PDE4D: variants seen among roughly 807,000 people sequenced by gnomAD.
PDE4D encodes the protein 3',5'-cyclic-AMP phosphodiesterase 4D.
PDE4D carries 24 observed loss-of-function variants against 87.4 expected under a neutral mutation model. The observed-to-expected ratio is 0.27, with a 90% CI of 0.20 to 0.39. PDE4D has a LOEUF of 0.39. Ranked by LOEUF, PDE4D falls within the 10% of genes least tolerant of loss-of-function variation. PDE4D has a pLI of 1.00. For missense variants in PDE4D, 714 were observed against 1,041.0 expected (o/e 0.69, Z 4.32); for synonymous variants, 384 against 383.2 (o/e 1.00, Z -0.02).
intron 1 of PDE4D, among the ~76,000 whole-genome samples, chr5:59,631,525 C>T (rs972897301): frequency 6.6e-6 from 1 of 152,116 alleles, no homozygotes; most frequent in African/African-American, 2.4e-5. Context: ...CAGGTGATTT[C>T]AGCATTTCCA....
At position 60,185,183 on chromosome 5, in the gene PDE4D, T is replaced by C. The variant is rs549677721; in HGVS notation, c.42+374A>G. Among the ~76,000 whole-genome samples, 11 of 152,260 alleles carry C rather than the reference T, an allele frequency of 7.2e-5. No homozygotes were observed. In the East Asian group the frequency reaches 2.1e-3, roughly 29 times the overall value. On this transcript the variant is annotated intron_variant, in intron 2 of 16. Transcript: ENST00000502484. Reference sequence around the variant, plus strand: ...TGACTGGTTGAAGTAACTAATAACATAAGTATAATTTATGCTTTTAGACTT... The same window carrying C: ...TGACTGGTTGAAGTAACTAATAACACAAGTATAATTTATGCTTTTAGACTT...
chr5:60,053,028 G>C (rs187042991), intron 2 of PDE4D, among the ~76,000 whole-genome samples: 3 of 152,032 alleles, frequency 2.0e-5, no homozygotes, highest in Non-Finnish European at 4.4e-5. Context: ...CACTGCTCAA[G>C]GAAATAAGAG....
chr5:60,215,401 C>T (rs1345664465), intron 1 of PDE4D, among the ~76,000 whole-genome samples: 1 of 152,068 alleles, frequency 6.6e-6, no homozygotes, highest in South Asian at 2.1e-4. Context: ...TTTTTCCCTT[C>T]TGCAAGATGC....
At chr5:59,364,391 A>G (rs1391883507) in intron 1 of PDE4D, among the ~76,000 whole-genome samples, 1 of 152,192 alleles carries the variant, frequency 6.6e-6, no homozygotes, top group East Asian at 1.9e-4. Context: ...AGAGATTTTT[A>G]ATTAAACTTA....
intron 5 of PDE4D, among the ~76,000 whole-genome samples, chr5:59,079,568 G>A (rs1766305307): frequency 6.6e-6 from 1 of 151,902 alleles, no homozygotes; most frequent in African/African-American, 2.4e-5. Flanking sequence ...GCTCATGCCT[G>A]TAATCCCTAC....
Position 59,966,356 on chromosome 5 carries a change from G to C in PDE4D, c.272+22132C>G, listed in dbSNP as rs571668247. Among the ~76,000 whole-genome samples the C allele has an allele frequency of 3.3e-5, 5 of 152,270 alleles. No homozygotes were observed. The South Asian group carries it at 1.0e-3, about 32-fold the overall frequency. ...ACTCCAGGAGGGAGGGGAAAATGTA[G>C]ATTCTTATAATCCTTTCAGAGGCAT... On this transcript the variant is annotated intron_variant, in intron 3 of 16. Coordinates refer to the PDE4D transcript ENST00000502484.
At chr5:60,493,223 A>T (rs2150237065) in intron 1 of PDE4D, among the ~76,000 whole-genome samples, 1 of 152,350 alleles carries the variant, frequency 6.6e-6, no homozygotes, top group South Asian at 2.1e-4. Flanking sequence ...AGTTTAGACT[A>T]GTTTAAACAT....
chr5:60,103,491 A>G (rs1776474684), intron 2 of PDE4D, among the ~76,000 whole-genome samples: 1 of 152,222 alleles, frequency 6.6e-6, no homozygotes, highest in Admixed American at 6.5e-5. Flanking sequence ...GATTTATTAA[A>G]CAGGAATGAA....
At chr5:59,218,508 C>T (rs1482601540) in intron 1 of PDE4D, among the ~76,000 whole-genome samples, 1 of 152,020 alleles carries the variant, frequency 6.6e-6, no homozygotes, top group African/African-American at 2.4e-5. Context: ...ATAATATTAG[C>T]ACTAAAACCA....
At chr5:59,536,069 C>T (rs1050601992) in intron 1 of PDE4D, among the ~76,000 whole-genome samples, 7 of 152,076 alleles carry the variant, frequency 4.6e-5, no homozygotes, top group Non-Finnish European at 5.9e-5. Flanking sequence ...AACAGGAAAT[C>T]TGGGCAGATG....
intron 2 of PDE4D, chr5:60,127,697 A>C (rs1458114767): frequency 1.7e-6 from 1 of 597,042 alleles, no homozygotes; most frequent in Non-Finnish European, 3.0e-6. Context: ...AGGGGAAAAC[A>C]GAATTTCAGT....
At chr5:59,580,528 A>G (rs968223493) in intron 1 of PDE4D, among the ~76,000 whole-genome samples, 1 of 151,990 alleles carries the variant, frequency 6.6e-6, no homozygotes, top group Non-Finnish European at 1.5e-5. Context: ...GTGCAGTGGC[A>G]TGATCATGGC....
At chr5:59,450,848 G>A (rs1799044527) in intron 1 of PDE4D, among the ~76,000 whole-genome samples, 1 of 152,048 alleles carries the variant, frequency 6.6e-6, no homozygotes, top group South Asian at 2.1e-4. Context: ...CACATTCTCT[G>A]ATACGCAGCT....
chr5:59,593,673 G>C (rs1484363385), intron 1 of PDE4D, among the ~76,000 whole-genome samples: 5 of 152,182 alleles, frequency 3.3e-5, no homozygotes, highest in Non-Finnish European at 7.4e-5. Flanking sequence ...GTAGGCTATG[G>C]AGAATCACAA....
chr5:60,518,907 C>T (rs1156871608), intron 1 of PDE4D, among the ~76,000 whole-genome samples: 2 of 152,186 alleles, frequency 1.3e-5, no homozygotes, highest in Non-Finnish European at 2.9e-5. Context: ...TGGTATTTTG[C>T]AGACCAACAA....
intron 5 of PDE4D, among the ~76,000 whole-genome samples, chr5:59,128,294 T>C (rs1206801558): frequency 6.6e-6 from 1 of 151,610 alleles, no homozygotes; most frequent in Non-Finnish European, 1.5e-5. Flanking sequence ...GAAAAAGAAA[T>C]AGGAGGTTGG....
chr5:59,315,463 T>C (rs1028124568), intron 1 of PDE4D, among the ~76,000 whole-genome samples: 1 of 151,976 alleles, frequency 6.6e-6, no homozygotes, highest in African/African-American at 2.4e-5. Flanking sequence ...CTCACACTCT[T>C]GAGGGGGGAA....
At chr5:60,468,137 C>CTTTTTTTTTTTTTTTT (rs570783072) in intron 1 of PDE4D, among the ~76,000 whole-genome samples, 16 of 141,208 alleles carry the variant, frequency 1.1e-4, no homozygotes, top group African/African-American at 3.0e-4. Flanking sequence ...TTTCTTTTTT[C>CTTTTTTTTTTTTTTTT]TTTTTTTTTT....
intron 1 of PDE4D, among the ~76,000 whole-genome samples, chr5:59,436,030 T>C (rs950464448): frequency 2.2e-4 from 34 of 152,310 alleles, no homozygotes; most frequent in African/African-American, 7.2e-4. Flanking sequence ...AATACTTGAA[T>C]AAGCTCAGTA....
Sources: allele counts gnomAD v4.1 joint callset (sites outside exome capture counted in the v4.1 genomes callset), GRCh38; gene constraint gnomAD v4.1.1; transcripts MANE v1.5; gene names NCBI Gene and HGNC (gene_info 2026-07-23, HGNC 2026-07-21).